Variants in PCDH9 observed in about 807,000 individuals in gnomAD.
PCDH9 encodes the protein protocadherin 9.
Under a neutral mutation model 70.6 loss-of-function variants are expected in PCDH9, and 24 were observed. The observed-to-expected ratio is 0.34, with a 90% CI of 0.25 to 0.48. The LOEUF (loss-of-function observed/expected upper bound fraction) is 0.48. Among genes scored for constraint, PCDH9 ranks in the 20% least tolerant of loss-of-function variants. The probability of loss-of-function intolerance (pLI) is 0.99; values close to 1 mark genes in which losing one functional copy is unlikely to be tolerated. For synonymous variants in PCDH9, 562 were observed against 558.5 expected, an observed-to-expected ratio of 1.01 and a Z score of -0.09; for missense variants, 1,281 against 1,503.6, an observed-to-expected ratio of 0.85 and a Z score of 2.45.
chr13:66,691,178 A>C (rs1340572987), intron 3 of PCDH9, among the ~76,000 whole-genome samples: 1 of 152,036 alleles, frequency 6.6e-6, no homozygotes, highest in Non-Finnish European at 1.5e-5. Context: ...CTGGAATTAC[A>C]GGCTCCTGCC....
At chr13:66,570,286 G>C (rs2076715182) in intron 4 of PCDH9, among the ~76,000 whole-genome samples, 1 of 152,100 alleles carries the variant, frequency 6.6e-6, no homozygotes, top group African/African-American at 2.4e-5. Context: ...GTGGGAAACA[G>C]GTATGTGTGA....
At chr13:66,593,081 A>G (rs1192065540) in intron 4 of PCDH9, among the ~76,000 whole-genome samples, 1 of 151,758 alleles carries the variant, frequency 6.6e-6, no homozygotes, top group Non-Finnish European at 1.5e-5. Context: ...TTAAATCTCT[A>G]TCAATGGTTC....
At chr13:66,875,206 T>C (rs1430207460) in intron 3 of PCDH9, among the ~76,000 whole-genome samples, 1 of 152,134 alleles carries the variant, frequency 6.6e-6, no homozygotes, top group African/African-American at 2.4e-5. Context: ...AAGATGACTT[T>C]GATAATTCAA....
chr13:66,738,859 G>A (rs1455349767), intron 3 of PCDH9, among the ~76,000 whole-genome samples: 7 of 150,750 alleles, frequency 4.6e-5, no homozygotes, highest in Non-Finnish European at 7.4e-5. Context: ...CCAAATCTAC[G>A]TCTGATTGGT....
At chr13:66,601,175 A>C (rs2077161505) in intron 4 of PCDH9, among the ~76,000 whole-genome samples, 1 of 145,874 alleles carries the variant, frequency 6.9e-6, no homozygotes, top group Non-Finnish European at 1.5e-5. Context: ...TATGGGCTAG[A>C]TCTAATAACA....
intron 2 of PCDH9, among the ~76,000 whole-genome samples, chr13:67,170,277 C>T (rs982660540): frequency 6.6e-6 from 1 of 152,150 alleles, no homozygotes; most frequent in African/African-American, 2.4e-5. Flanking sequence ...AAAGAAATGG[C>T]AGCTCATATA....
At chr13:66,942,927 G>T (rs2083029075) in intron 2 of PCDH9, among the ~76,000 whole-genome samples, 1 of 152,100 alleles carries the variant, frequency 6.6e-6, no homozygotes, top group Non-Finnish European at 1.5e-5. Context: ...GAAGAACAGA[G>T]ATGGTGCTTG....
At chr13:66,957,276 T>A (rs573498255) in intron 2 of PCDH9, among the ~76,000 whole-genome samples, 1 of 152,336 alleles carries the variant, frequency 6.6e-6, no homozygotes, top group African/African-American at 2.4e-5. Context: ...CTTGTGCAGG[T>A]AGCTGCAATG....
intron 4 of PCDH9, among the ~76,000 whole-genome samples, chr13:66,575,201 ATTG>A (rs889721476): frequency 1.4e-4 from 21 of 151,792 alleles, no homozygotes; most frequent in Admixed American, 1.3e-4. Context: ...ATATATATTT[ATTG>A]TTGTTGTTGT....
intron 2 of PCDH9, among the ~76,000 whole-genome samples, chr13:66,933,196 T>G (rs1750494747): frequency 6.6e-6 from 1 of 152,090 alleles, no homozygotes. Flanking sequence ...TGAGTCTTTG[T>G]CAGAAAGCAA....
At chr13:67,058,801 C>T (rs2085473722) in intron 2 of PCDH9, among the ~76,000 whole-genome samples, 1 of 151,994 alleles carries the variant, frequency 6.6e-6, no homozygotes, top group African/African-American at 2.4e-5. Flanking sequence ...CAAGGGAAGC[C>T]CATATCCTGA....
chr13:66,345,515 T>C (rs1308410711), intron 4 of PCDH9, among the ~76,000 whole-genome samples: 1 of 152,064 alleles, frequency 6.6e-6, no homozygotes, highest in Non-Finnish European at 1.5e-5. Context: ...ACAAGGCCAA[T>C]CTCCTGAACA....
chr13:66,851,555 A>G (rs886322388), intron 3 of PCDH9, among the ~76,000 whole-genome samples: 2 of 147,580 alleles, frequency 1.4e-5, no homozygotes, highest in African/African-American at 5.0e-5. Flanking sequence ...AGTTCTATGT[A>G]ACACCCACCC....
At chr13:67,127,137 T>C (rs969907207) in intron 2 of PCDH9, among the ~76,000 whole-genome samples, 26 of 152,264 alleles carry the variant, frequency 1.7e-4, no homozygotes, top group Admixed American at 1.4e-3. Flanking sequence ...CAGAGATTAA[T>C]AGTAAATTAA....
intron 4 of PCDH9, among the ~76,000 whole-genome samples, chr13:66,523,938 T>C (rs1057328503): frequency 6.6e-6 from 1 of 152,044 alleles, no homozygotes; most frequent in Non-Finnish European, 1.5e-5. Context: ...AAGTTCAGTG[T>C]CTACCAGTGA....
intron 4 of PCDH9, among the ~76,000 whole-genome samples, chr13:66,573,641 G>A (rs2076767841): frequency 6.6e-6 from 1 of 152,274 alleles, no homozygotes; most frequent in Non-Finnish European, 1.5e-5. Context: ...CATTTGCAAT[G>A]TTTGATAAAC....
chr13:66,702,088 A>C (rs559503847), intron 3 of PCDH9, among the ~76,000 whole-genome samples: 2 of 152,212 alleles, frequency 1.3e-5, no homozygotes, highest in Admixed American at 1.3e-4. Flanking sequence ...TCATTTTCAA[A>C]TAGCAAAATA....
intron 2 of PCDH9, among the ~76,000 whole-genome samples, chr13:67,114,545 C>T (rs1408848708): frequency 6.6e-6 from 1 of 152,080 alleles, no homozygotes; most frequent in Non-Finnish European, 1.5e-5. Flanking sequence ...ACAAATGAAG[C>T]AGAGCAGATA....
chr13:66,922,249 A>C (rs2082648414), intron 2 of PCDH9, among the ~76,000 whole-genome samples: 1 of 151,390 alleles, frequency 6.6e-6, no homozygotes, highest in South Asian at 2.1e-4. Context: ...TATTTTATAA[A>C]AATGTTTGAT....
Sources: gnomAD v4.1 joint callset for allele counts (sites outside exome capture counted in the v4.1 genomes callset) on GRCh38, gnomAD v4.1.1 for gene constraint, MANE v1.5 for transcripts, NCBI Gene and HGNC (gene_info 2026-07-23, HGNC 2026-07-21) for gene names.